The following AFF1 variants were observed in gnomAD, a reference collection of about 807,000 sequenced individuals.
AFF1 encodes the protein ALF transcription elongation factor 1.
AFF1 carries 48 observed loss-of-function variants against 121.7 expected under a neutral mutation model. The observed-to-expected ratio is 0.39, with a 90% confidence interval of 0.31 to 0.50. The LOEUF is 0.50. Among genes scored for constraint, AFF1 ranks in the 20% least tolerant of loss-of-function variants. AFF1 has a pLI of 0.76. For synonymous variants in AFF1, 613 were observed against 563.0 expected, an observed-to-expected ratio of 1.09 and a Z score of -1.26; for missense variants, 1,523 against 1,511.7, an observed-to-expected ratio of 1.01 and a Z score of -0.12.
At chr4:87,080,823 C>A (rs1246387980) in intron 4 of AFF1, among the ~76,000 whole-genome samples, 1 of 152,176 alleles carries the variant, frequency 6.6e-6, no homozygotes. Context: ...AAAGATCTGT[C>A]TTGTAGTTTA....
At chr4:87,018,083 C>T (rs1381003670) in intron 2 of AFF1, among the ~76,000 whole-genome samples, 7 of 152,152 alleles carry the variant, frequency 4.6e-5, no homozygotes, top group Non-Finnish European at 7.3e-5. Context: ...ATTAATTTAC[C>T]TGCGTAAGAA....
chr4:87,116,131 T>C (rs1727097589), intron 12 of AFF1, among the ~76,000 whole-genome samples: 2 of 152,246 alleles, frequency 1.3e-5, no homozygotes, highest in South Asian at 4.1e-4. Flanking sequence ...TTACAGTTAC[T>C]AACATGTGGT....
At chr4:87,020,744 A>G (rs1388426696) in intron 2 of AFF1, 2 of 966,706 alleles carry the variant, frequency 2.1e-6, no homozygotes, top group Non-Finnish European at 2.5e-6. Flanking sequence ...TCAGCCTCTC[A>G]AAATGCTGGG....
At chr4:86,956,967 A>G (rs1223340693) in intron 2 of AFF1, among the ~76,000 whole-genome samples, 2 of 152,114 alleles carry the variant, frequency 1.3e-5, no homozygotes, top group African/African-American at 2.4e-5. Flanking sequence ...TAAGCTCACA[A>G]GCCATTGTGC....
chr4:86,971,510 C>T (rs1722945833), intron 2 of AFF1, among the ~76,000 whole-genome samples: 1 of 152,188 alleles, frequency 6.6e-6, no homozygotes, highest in Non-Finnish European at 1.5e-5. Flanking sequence ...AGTAGTTTAG[C>T]TTACCTTGGA....
At chr4:87,065,576 C>T (rs547215462) in intron 4 of AFF1, among the ~76,000 whole-genome samples, 3 of 151,752 alleles carry the variant, frequency 2.0e-5, no homozygotes, top group African/African-American at 7.3e-5. Context: ...TATTATGACG[C>T]AGTGCCGCTA....
At chr4:87,000,713 A>G (rs1467442461) in intron 2 of AFF1, among the ~76,000 whole-genome samples, 3 of 151,764 alleles carry the variant, frequency 2.0e-5, no homozygotes, top group Non-Finnish European at 2.9e-5. Context: ...GTAGGCTAAT[A>G]TCCCTGATTG....
At chr4:87,040,329 G>A (rs1369348195) in intron 2 of AFF1, among the ~76,000 whole-genome samples, 1 of 152,184 alleles carries the variant, frequency 6.6e-6, no homozygotes, top group Non-Finnish European at 1.5e-5. Context: ...GTGGCTCTGA[G>A]ATGACCCTGC....
intron 4 of AFF1, among the ~76,000 whole-genome samples, chr4:87,050,261 C>T (rs950085418): frequency 6.6e-6 from 1 of 151,934 alleles, no homozygotes; most frequent in African/African-American, 2.4e-5. Context: ...GAGTGATTTT[C>T]CTTTATTTGC....
At position 87,108,319 on chromosome 4, in the gene AFF1, C is replaced by G; in HGVS notation, c.1533+4C>G. The G allele has an allele frequency of 1.9e-6, 3 of 1,611,930 alleles. No homozygotes were observed. The highest frequency in any genetic ancestry group is 2.5e-6 in the Non-Finnish European group (3 of 1,179,648). On this transcript the variant is annotated splice_donor_region_variant and intron_variant, in intron 11 of 20. Transcript: ENST00000395146. ...CCTAGAAACCCCAGCTCCGGAGGTA[C>G]CGTGTTCCCCCTCGAGATGGCCACC...
chr4:87,100,537 T>G (rs967808675), intron 8 of AFF1, among the ~76,000 whole-genome samples: 3 of 152,144 alleles, frequency 2.0e-5, no homozygotes, highest in African/African-American at 4.8e-5. Flanking sequence ...TAGCCATCCT[T>G]TCTCTTTTAT....
intron 11 of AFF1, among the ~76,000 whole-genome samples, chr4:87,112,927 AC>A (rs1560637522): frequency 2.0e-5 from 3 of 152,236 alleles, no homozygotes; most frequent in Non-Finnish European, 4.4e-5. Context: ...TCTGTTAGAC[AC>A]TAATATTTTT....
At chr4:87,022,694 C>G (rs367608132) in intron 2 of AFF1, among the ~76,000 whole-genome samples, 15 of 36,896 alleles carry the variant, frequency 4.1e-4, no homozygotes, top group African/African-American at 1.5e-3. Flanking sequence ...GTATGTATAT[C>G]TGTGTGTATA....
At chr4:87,128,632 C>T (rs1188787129) in intron 16 of AFF1, among the ~76,000 whole-genome samples, 3 of 152,188 alleles carry the variant, frequency 2.0e-5, no homozygotes, top group Non-Finnish European at 2.9e-5. Flanking sequence ...CATGGTGGCC[C>T]AGCCCGCAAG....
At chr4:86,990,767 A>T (rs1268249360) in intron 2 of AFF1, among the ~76,000 whole-genome samples, 2 of 152,214 alleles carry the variant, frequency 1.3e-5, no homozygotes, top group Non-Finnish European at 2.9e-5. Flanking sequence ...TAAATGCATG[A>T]GTACTGAGAA....
rs34072831 is a variant in AFF1, at chr4:87,001,207, C to CTTTTTT, written c.39-44937_39-44932dup. On this transcript the variant is annotated intron_variant, in intron 2 of 20. Transcript: ENST00000395146. ...TGAGAGGACTGCTTTCCTTTTTCTA[C>CTTTTTT]TTTTTTTTTTTTTTTTTTTTTTTTT... Among the ~76,000 whole-genome samples the CTTTTTT allele has an allele frequency of 8.3e-3, 498 of 60,308 alleles. 143 individuals are homozygous for CTTTTTT. The highest frequency in any genetic ancestry group is 0.01 in the Non-Finnish European group (335 of 33,302). The allele number at this position is 60,308 out of a possible 152,430, so 39.6% of individuals were successfully genotyped here.
At chr4:87,132,552 A>G in intron 19 of AFF1, 144 bp downstream of exon 19, 1 of 673,238 alleles carries the variant, frequency 1.5e-6, no homozygotes, top group South Asian at 3.4e-5. Context: ...GGTTGCTCCT[A>G]AATTTAAATT....
chr4:86,985,181 CTA>C (rs55891819), intron 2 of AFF1, among the ~76,000 whole-genome samples: 7,971 of 96,210 alleles, frequency 0.083, 388 homozygotes, highest in Middle Eastern at 0.12. Context: ...ATATGTATTA[CTA>C]TATATATATA....
chr4:87,123,316 T>C (rs1372606080), intron 12 of AFF1, among the ~76,000 whole-genome samples: 1 of 152,206 alleles, frequency 6.6e-6, no homozygotes, highest in East Asian at 1.9e-4. Flanking sequence ...CATTCTCTTT[T>C]TTCTACTAAG....
Sources: gnomAD v4.1 joint callset for allele counts (sites outside exome capture counted in the v4.1 genomes callset) on GRCh38, gnomAD v4.1.1 for gene constraint, MANE v1.5 for transcripts, NCBI Gene and HGNC (gene_info 2026-07-23, HGNC 2026-07-21) for gene names.